The following CFAP20DC variants were observed in gnomAD, a reference collection of about 807,000 sequenced individuals.
CFAP20DC encodes protein CFAP20DC.
CFAP20DC carries 84 observed loss-of-function variants against 101.7 expected under a neutral mutation model. The observed-to-expected ratio is 0.83, with a 90% CI of 0.69 to 0.99. The LOEUF (loss-of-function observed/expected upper bound fraction) is 0.99, where lower values mean the gene tolerates loss of function less well. Among genes scored for constraint, CFAP20DC ranks in the 50% least tolerant of loss-of-function variants. The pLI is 0.00. For missense variants in CFAP20DC, 1,007 were observed against 970.3 expected, an observed-to-expected ratio of 1.04 and a Z score of -0.50; for synonymous variants, 359 against 351.2, an observed-to-expected ratio of 1.02 and a Z score of -0.25.
At chr3:58,903,554 C>A (rs1213583184) in intron 6 of CFAP20DC, among the ~76,000 whole-genome samples, 1 of 152,106 alleles carries the variant, frequency 6.6e-6, no homozygotes, top group African/African-American at 2.4e-5. Context: ...GCTGACAAGG[C>A]CTCAGGAAAC....
chr3:58,949,581 T>C (rs2089827253), intron 4 of CFAP20DC, among the ~76,000 whole-genome samples: 1 of 152,196 alleles, frequency 6.6e-6, no homozygotes, highest in Non-Finnish European at 1.5e-5. Context: ...AGTTTCCATG[T>C]AGTTGAGGTT....
intron 5 of CFAP20DC, among the ~76,000 whole-genome samples, chr3:58,916,996 A>G (rs1383440842): frequency 1.3e-5 from 2 of 152,132 alleles, no homozygotes; most frequent in Non-Finnish European, 2.9e-5. Flanking sequence ...TCTAATTACT[A>G]TATTTCTATG....
At chr3:58,862,249 A>G in intron 12 of CFAP20DC, 39 of 985,282 alleles carry the variant, frequency 4.0e-5, no homozygotes, top group Non-Finnish European at 4.5e-5. Context: ...AGTCTATTCT[A>G]TTCATAAAAT....
At chr3:58,949,424 G>A in intron 4 of CFAP20DC, among the ~76,000 whole-genome samples, 1 of 152,032 alleles carries the variant, frequency 6.6e-6, no homozygotes. Context: ...GGCATTTAGA[G>A]CTATAAATTT....
intron 11 of CFAP20DC, among the ~76,000 whole-genome samples, chr3:58,865,430 C>T (rs968704341): frequency 6.6e-6 from 1 of 152,196 alleles, no homozygotes; most frequent in African/African-American, 2.4e-5. Flanking sequence ...AGAAAACCTA[C>T]TAGGGACAAG....
intron 14 of CFAP20DC, among the ~76,000 whole-genome samples, chr3:58,812,802 C>CATT (rs1000876520): frequency 6.6e-6 from 1 of 151,702 alleles, no homozygotes; most frequent in Non-Finnish European, 1.5e-5. Context: ...TCACATTTAT[C>CATT]ATTATTATTA....
chr3:58,906,914 G>A (rs2107259047), intron 6 of CFAP20DC, among the ~76,000 whole-genome samples: 1 of 152,268 alleles, frequency 6.6e-6, no homozygotes, highest in Admixed American at 6.5e-5. Context: ...GGGCAACGGA[G>A]TGAGATCCTC....
At chr3:58,870,574 C>T (rs893525666) in intron 7 of CFAP20DC, among the ~76,000 whole-genome samples, 4 of 151,796 alleles carry the variant, frequency 2.6e-5, no homozygotes, top group African/African-American at 7.3e-5. Flanking sequence ...AGAACCACCA[C>T]CACAAAGTTT....
chr3:58,862,934 A>G, intron 12 of CFAP20DC: 1 of 971,592 alleles, frequency 1.0e-6, no homozygotes, highest in Non-Finnish European at 1.2e-6. Flanking sequence ...ATTCAGTTTG[A>G]TTTGAAACAT....
At chr3:58,895,497 C>T (rs2082596554) in intron 6 of CFAP20DC, among the ~76,000 whole-genome samples, 1 of 152,226 alleles carries the variant, frequency 6.6e-6, no homozygotes, top group Non-Finnish European at 1.5e-5. Flanking sequence ...TCCTCATTTC[C>T]TTCTGAGACC....
chr3:58,843,111 T>G (rs1056313841), intron 13 of CFAP20DC, among the ~76,000 whole-genome samples: 2 of 152,180 alleles, frequency 1.3e-5, no homozygotes, highest in African/African-American at 4.8e-5. Context: ...AGCGCCTCTC[T>G]TCCTCCAAAG....
chr3:58,872,278 T>C (rs2080291629), intron 7 of CFAP20DC, among the ~76,000 whole-genome samples: 1 of 152,126 alleles, frequency 6.6e-6, no homozygotes, highest in Non-Finnish European at 1.5e-5. Context: ...ACCTACTCCC[T>C]GCAAAAATTC....
At chr3:58,854,163 A>AAATC (rs1329858960) in intron 12 of CFAP20DC, among the ~76,000 whole-genome samples, 3 of 152,106 alleles carry the variant, frequency 2.0e-5, no homozygotes, top group Admixed American at 2.0e-4. Flanking sequence ...CAATGTACAA[A>AAATC]AATCACAAGC....
chr3:58,773,871 C>G (rs752781659), intron 15 of CFAP20DC, among the ~76,000 whole-genome samples: 23 of 151,932 alleles, frequency 1.5e-4, no homozygotes, highest in Non-Finnish European at 3.1e-4. Flanking sequence ...AGAAGATGCT[C>G]TACAATAGAG....
intron 4 of CFAP20DC, among the ~76,000 whole-genome samples, chr3:58,944,193 G>A (rs7619105): frequency 6.6e-6 from 1 of 152,016 alleles, no homozygotes; most frequent in African/African-American, 2.4e-5. Context: ...AGCCAAGACA[G>A]GCCAACTTTC....
intron 6 of CFAP20DC, chr3:58,887,247 A>G (rs2106650180): frequency 6.6e-6 from 1 of 152,340 alleles, no homozygotes; most frequent in Non-Finnish European, 1.5e-5. Context: ...AACTGAGCAA[A>G]TGAACTCTCA....
intron 4 of CFAP20DC, among the ~76,000 whole-genome samples, chr3:58,980,690 T>G (rs538303567): frequency 7.2e-4 from 110 of 152,326 alleles, no homozygotes; most frequent in African/African-American, 2.5e-3. Context: ...AAATTAGGTA[T>G]TGATGGGATG....
chr3:58,808,022 T>A (rs942457981), intron 14 of CFAP20DC, among the ~76,000 whole-genome samples: 1 of 151,970 alleles, frequency 6.6e-6, no homozygotes, highest in Non-Finnish European at 1.5e-5. Context: ...GAAAAAAGAA[T>A]AAAAAGAAAT....
At chr3:59,016,632 A>T (rs1328638355) in intron 4 of CFAP20DC, among the ~76,000 whole-genome samples, 1 of 152,152 alleles carries the variant, frequency 6.6e-6, no homozygotes, top group Non-Finnish European at 1.5e-5. Flanking sequence ...ATGTATATGG[A>T]ATCTGTATCC....
Sources: allele counts gnomAD v4.1 joint callset (sites outside exome capture counted in the v4.1 genomes callset), GRCh38; gene constraint gnomAD v4.1.1; transcripts MANE v1.5; gene names NCBI Gene and HGNC (gene_info 2026-07-23, HGNC 2026-07-21).